Variants in RYR2 observed in about 807,000 individuals in gnomAD.
The protein encoded by RYR2 is cardiac muscle ryanodine receptor-calcium release channel.
Under a neutral mutation model 601.1 loss-of-function variants are expected in RYR2, and 227 were observed. The ratio of observed to expected loss-of-function variants is 0.38; its 90% confidence interval spans 0.34 to 0.42. RYR2 has a LOEUF of 0.42. Among genes scored for constraint, RYR2 ranks in the 10% least tolerant of loss-of-function variants. The pLI is 1.00. For missense variants in RYR2, 4,646 were observed against 6,156.5 expected (o/e 0.75, Z 8.21); for synonymous variants, 2,223 against 2,175.1 (o/e 1.02, Z -0.61).
intron 1 of RYR2, among the ~76,000 whole-genome samples, chr1:237,189,287 C>G (rs1679705366): frequency 6.6e-6 from 1 of 152,168 alleles, no homozygotes; most frequent in Non-Finnish European, 1.5e-5. Context: ...ATGACAGTTT[C>G]TTTATCTGTT....
chr1:237,594,886 G>GTTTTTTTTGTTTTTTTTTTTTT (rs1675642723), intron 33 of RYR2, among the ~76,000 whole-genome samples: 7 of 60,418 alleles, frequency 1.2e-4, no homozygotes, highest in South Asian at 7.1e-4. Flanking sequence ...ATATCACTGG[G>GTTTTTTTTGTTTTTTTTTTTTT]TTTTTTTTTT....
chr1:237,480,202 T>TG (rs1179167430), intron 17 of RYR2, among the ~76,000 whole-genome samples: 1 of 151,980 alleles, frequency 6.6e-6, no homozygotes, highest in East Asian at 1.9e-4. Context: ...GTGGATCAGT[T>TG]GGGGTCAGGA....
At chr1:237,731,755 G>T (rs192243361) in intron 77 of RYR2, among the ~76,000 whole-genome samples, 1 of 151,852 alleles carries the variant, frequency 6.6e-6, no homozygotes, top group Admixed American at 6.6e-5. Context: ...CAGATATCTA[G>T]CATATTATAT....
At chr1:237,226,398 T>C (rs958011116) in intron 1 of RYR2, among the ~76,000 whole-genome samples, 1 of 152,238 alleles carries the variant, frequency 6.6e-6, no homozygotes, top group East Asian at 1.9e-4. Flanking sequence ...TTTTTGTTAC[T>C]GACAGTGTGG....
chr1:237,202,398 A>G (rs1020564459), intron 1 of RYR2, among the ~76,000 whole-genome samples: 14 of 152,042 alleles, frequency 9.2e-5, no homozygotes, highest in African/African-American at 3.1e-4. Context: ...TTATACCTGT[A>G]CTTTCCTTTA....
chr1:237,058,156 G>T (rs1203937955), intron 1 of RYR2, among the ~76,000 whole-genome samples: 1 of 152,130 alleles, frequency 6.6e-6, no homozygotes, highest in Admixed American at 6.5e-5. Context: ...GCTTATATAG[G>T]TAATTATGTA....
intron 38 of RYR2, among the ~76,000 whole-genome samples, chr1:237,617,802 ATTTTT>A (rs1049786208): frequency 6.6e-6 from 1 of 152,148 alleles, no homozygotes; most frequent in Non-Finnish European, 1.5e-5. Flanking sequence ...ACTCATAGGA[ATTTTT>A]GATTCCTAGG....
intron 66 of RYR2, among the ~76,000 whole-genome samples, chr1:237,704,166 T>C (rs1688179791): frequency 6.6e-6 from 1 of 152,072 alleles, no homozygotes; most frequent in African/African-American, 2.4e-5. Flanking sequence ...GTTTTCTCAA[T>C]GAAGAATGCC....
At chr1:237,705,109 G>C in intron 66 of RYR2, 104 bp from the exon 67 acceptor site, 1 of 974,140 alleles carries the variant, frequency 1.0e-6, no homozygotes, top group Non-Finnish European at 1.6e-6. Flanking sequence ...ATTTTATTAG[G>C]ACCAATATTA....
rs2779428 is a variant in RYR2 at position 237,591,305 on chromosome 1, G to A, written c.4160+313G>A. Among the ~76,000 whole-genome samples, 59,054 of 149,312 alleles carry A rather than the reference G, an allele frequency of 0.4. 13,257 individuals are homozygous for A. Among genetic ancestry groups the A allele is most frequent in the Admixed American group, 0.5 (7,571 of 15,072 alleles). On this transcript the variant is annotated intron_variant, in intron 31 of 104. Transcript: ENST00000366574. ...TTAGTCATCTAATTTGTTAGCGTAGGTGCAATCTATCTCAAGAGTTACTTT... is the reference window on the plus strand; with the variant it reads ...TTAGTCATCTAATTTGTTAGCGTAGATGCAATCTATCTCAAGAGTTACTTT...
Position 237,475,501 on chromosome 1 carries a change from G to A in RYR2, c.1708+6314G>A, listed in dbSNP as rs183710501. ...ATACCATGGTGAGAAATGATCTGAG[G>A]CCCCAAAGTTAGGAAATAAGAAAAA... is the stretch of plus-strand genomic sequence containing the variant. On this transcript the variant is annotated intron_variant, in intron 17 of 104. Transcript: ENST00000366574. Among the ~76,000 whole-genome samples the A allele has an allele frequency of 8.5e-5, 13 of 152,140 alleles. No individual in the cohort carries two copies. In the East Asian group the frequency reaches 9.7e-4, roughly 11 times the overall value.
chr1:237,281,972 C>A (rs527252137), intron 2 of RYR2, among the ~76,000 whole-genome samples: 1 of 148,508 alleles, frequency 6.7e-6, no homozygotes, highest in Non-Finnish European at 1.5e-5. Context: ...CCGTTAGAAC[C>A]CTGGTAACAG....
At chr1:237,279,874 T>G (rs1044920790) in intron 2 of RYR2, among the ~76,000 whole-genome samples, 4 of 152,188 alleles carry the variant, frequency 2.6e-5, no homozygotes, top group Non-Finnish European at 2.9e-5. Context: ...ATCTTTGAGA[T>G]CTGTTGCATC....
chr1:237,158,482 G>T (rs550443381), intron 1 of RYR2, among the ~76,000 whole-genome samples: 1 of 152,122 alleles, frequency 6.6e-6, no homozygotes, highest in Non-Finnish European at 1.5e-5. Flanking sequence ...GAGGAAATTG[G>T]TGATGTTTTC....
In RYR2 at chr1:237,423,149, A is replaced by T. The variant is rs569242793; in HGVS notation, c.906A>T (p.Thr302=). 1.2e-6 allele frequency: 2 copies of T among 1,613,932 alleles called. No individual in the cohort carries two copies. Among genetic ancestry groups the T allele is most frequent in the Non-Finnish European group, 1.7e-6 (2 of 1,179,860 alleles). Residue 302 remains threonine (T), a synonymous_variant, in exon 12 of 105, where the codon ACA becomes ACT. Transcript: ENST00000366574. ...CATTCCGACTACGCCATGTCACAAC[A>T]GGAAAATACTTGAGTCTCATGGAAG... The part of the protein sequence containing the change: ...GQPFRLRHVT[T]GKYLSLMEDK...
At chr1:237,245,134 T>A (rs1158333419) in intron 1 of RYR2, among the ~76,000 whole-genome samples, 1 of 152,064 alleles carries the variant, frequency 6.6e-6, no homozygotes, top group Non-Finnish European at 1.5e-5. Flanking sequence ...GGAGGATCCC[T>A]TGAGCCCAGG....
chr1:237,706,940 C>G lies in RYR2; in HGVS notation c.9581-9C>G. ...TGAATATCATCCATTTTTATATGTACTTCTCCAGCTCTCAGTTTGCCAACT... is the reference window on the plus strand; with the variant it reads ...TGAATATCATCCATTTTTATATGTAGTTCTCCAGCTCTCAGTTTGCCAACT... On this transcript the variant is annotated splice_polypyrimidine_tract_variant and intron_variant, in intron 67 of 104. Transcript: ENST00000366574. 1 of 1,603,548 alleles carries G rather than the reference C, an allele frequency of 6.2e-7. No individual in the cohort carries two copies. Among genetic ancestry groups the G allele is most frequent in the Non-Finnish European group, 8.5e-7 (1 of 1,171,032 alleles).
At chr1:237,730,591 T>C (rs1690594111) in intron 77 of RYR2, among the ~76,000 whole-genome samples, 1 of 152,086 alleles carries the variant, frequency 6.6e-6, no homozygotes, top group African/African-American at 2.4e-5. Flanking sequence ...ATGAATAATA[T>C]AGAAGTATTA....
chr1:237,548,922 G>T (rs549251382), intron 26 of RYR2, among the ~76,000 whole-genome samples: 1 of 152,076 alleles, frequency 6.6e-6, no homozygotes, highest in Non-Finnish European at 1.5e-5. Context: ...TAATAAAATG[G>T]GTTCACCATC....
Sources: allele counts gnomAD v4.1 joint callset (sites outside exome capture counted in the v4.1 genomes callset), GRCh38; gene constraint gnomAD v4.1.1; transcripts MANE v1.5; gene names NCBI Gene and HGNC (gene_info 2026-07-23, HGNC 2026-07-21).